Variants in SNTG1 observed in about 807,000 individuals in gnomAD.
The protein encoded by SNTG1 is gamma-1-syntrophin.
SNTG1 carries 39 observed loss-of-function variants against 74.7 expected under a neutral mutation model. The ratio of observed to expected loss-of-function variants is 0.52; its 90% CI spans 0.40 to 0.68. The LOEUF (loss-of-function observed/expected upper bound fraction) is 0.68, where lower values mean the gene tolerates loss of function less well. Ranked by LOEUF, SNTG1 falls within the 30% of genes least tolerant of loss-of-function variation. SNTG1 has a pLI of 0.00. For missense variants in SNTG1, 685 were observed against 609.5 expected, an observed-to-expected ratio of 1.12 and a Z score of -1.30; for synonymous variants, 254 against 217.1, an observed-to-expected ratio of 1.17 and a Z score of -1.49.
chr8:50,233,225 A>G (rs982202995), intron 2 of SNTG1, among the ~76,000 whole-genome samples: 3 of 151,614 alleles, frequency 2.0e-5, no homozygotes, highest in Non-Finnish European at 4.4e-5. Flanking sequence ...AGATCAATGG[A>G]CCGGAAGAGA....
At chr8:50,656,694 A>G (rs1202030655) in intron 13 of SNTG1, among the ~76,000 whole-genome samples, 1 of 152,182 alleles carries the variant, frequency 6.6e-6, no homozygotes, top group African/African-American at 2.4e-5. Context: ...AGAAACGTAT[A>G]AGAAATTCTT....
intron 9 of SNTG1, among the ~76,000 whole-genome samples, chr8:50,520,620 C>T (rs1471527901): frequency 1.3e-5 from 2 of 152,124 alleles, no homozygotes; most frequent in African/African-American, 4.8e-5. Flanking sequence ...AGGATATGAA[C>T]AGACACTTCT....
At chr8:49,918,388 C>A (rs1806232506) in intron 1 of SNTG1, among the ~76,000 whole-genome samples, 1 of 152,100 alleles carries the variant, frequency 6.6e-6, no homozygotes, top group Non-Finnish European at 1.5e-5. Context: ...GCTACAATAA[C>A]CCAGATAATA....
intron 4 of SNTG1, among the ~76,000 whole-genome samples, chr8:50,408,420 A>T (rs895228074): frequency 6.6e-6 from 1 of 152,160 alleles, no homozygotes; most frequent in Non-Finnish European, 1.5e-5. Flanking sequence ...GATTTCTCTC[A>T]TTGTTATAAT....
chr8:50,566,281 C>A (rs2094516352), intron 12 of SNTG1, among the ~76,000 whole-genome samples: 1 of 151,954 alleles, frequency 6.6e-6, no homozygotes, highest in Admixed American at 6.6e-5. Context: ...TAGGGCAAAT[C>A]TGCATATAGT....
chr8:50,644,013 T>C (rs2095091012), intron 13 of SNTG1: 1 of 152,228 alleles, frequency 6.6e-6, no homozygotes, highest in Non-Finnish European at 1.5e-5. Context: ...AATGAGTCCA[T>C]CACAGCTCAA....
intron 9 of SNTG1, among the ~76,000 whole-genome samples, chr8:50,508,061 C>T (rs575833099): frequency 2.0e-4 from 28 of 140,718 alleles, no homozygotes; most frequent in Non-Finnish European, 3.8e-4. Context: ...AATGCTATCC[C>T]TCCCCACTCC....
intron 17 of SNTG1, among the ~76,000 whole-genome samples, chr8:50,730,528 G>C (rs574538434): frequency 6.6e-6 from 1 of 152,122 alleles, no homozygotes; most frequent in Non-Finnish European, 1.5e-5. Context: ...AAAGATTATA[G>C]GAGCAAATGG....
At chr8:49,992,217 A>G (rs867748973) in intron 1 of SNTG1, among the ~76,000 whole-genome samples, 2 of 152,212 alleles carry the variant, frequency 1.3e-5, no homozygotes, top group Non-Finnish European at 2.9e-5. Context: ...ATAAGAATGT[A>G]AGAAGATAAA....
At chr8:50,083,942 A>G (rs190798960) in intron 1 of SNTG1, among the ~76,000 whole-genome samples, 2 of 152,332 alleles carry the variant, frequency 1.3e-5, no homozygotes, top group East Asian at 3.9e-4. Flanking sequence ...TTTCTAGGAA[A>G]ACCAGAAAAG....
intron 12 of SNTG1, among the ~76,000 whole-genome samples, chr8:50,578,810 T>C (rs912329852): frequency 3.3e-5 from 5 of 152,202 alleles, no homozygotes; most frequent in Admixed American, 2.0e-4. Flanking sequence ...TGCTGAACTG[T>C]GAGTCAATTA....
chr8:50,686,920 G>C (rs913829266), intron 15 of SNTG1, among the ~76,000 whole-genome samples: 1 of 151,538 alleles, frequency 6.6e-6, no homozygotes, highest in Non-Finnish European at 1.5e-5. Context: ...TGGATCATGA[G>C]GTCAGGAGAT....
At chr8:50,333,886 C>T (rs568252294) in intron 2 of SNTG1, among the ~76,000 whole-genome samples, 1 of 152,302 alleles carries the variant, frequency 6.6e-6, no homozygotes, top group South Asian at 2.1e-4. Flanking sequence ...AAATTGAGCT[C>T]TCATTATCTC....
intron 4 of SNTG1, 119 bp downstream of exon 4, chr8:50,402,463 G>T: frequency 8.1e-7 from 1 of 1,241,686 alleles, no homozygotes; most frequent in Non-Finnish European, 1.1e-6. Flanking sequence ...GGTTCTGCAT[G>T]GAATTTTTGC....
At chr8:50,130,854 G>A (rs1013477357) in intron 1 of SNTG1, among the ~76,000 whole-genome samples, 1 of 151,974 alleles carries the variant, frequency 6.6e-6, no homozygotes, top group African/African-American at 2.4e-5. Context: ...CCACATTATT[G>A]GACAACAGTA....
intron 15 of SNTG1, among the ~76,000 whole-genome samples, chr8:50,674,229 G>A (rs1464711884): frequency 6.6e-6 from 1 of 151,998 alleles, no homozygotes; most frequent in Non-Finnish European, 1.5e-5. Flanking sequence ...TGGATTGTTT[G>A]GAATAGTTTC....
intron 10 of SNTG1, among the ~76,000 whole-genome samples, chr8:50,530,464 C>A (rs780620001): frequency 6.6e-5 from 10 of 152,096 alleles, no homozygotes; most frequent in Non-Finnish European, 1.3e-4. Context: ...GGATTAAGTT[C>A]TTTTGAAGCA....
chr8:50,657,078 G>A (rs759835505), intron 14 of SNTG1, 53 bp downstream of exon 14: 21 of 1,042,990 alleles, frequency 2.0e-5, no homozygotes, highest in Middle Eastern at 2.5e-4. Flanking sequence ...ACAAGAGATT[G>A]ACACCAACTT....
At chr8:50,652,923 T>C (rs146170706) in intron 13 of SNTG1, among the ~76,000 whole-genome samples, 263 of 152,126 alleles carry the variant, frequency 1.7e-3, no homozygotes, top group Non-Finnish European at 2.1e-3. Context: ...AAAAGTCCTT[T>C]TTATTTCTAG....
Sources: gnomAD v4.1 joint callset for allele counts (sites outside exome capture counted in the v4.1 genomes callset) on GRCh38, gnomAD v4.1.1 for gene constraint, MANE v1.5 for transcripts, NCBI Gene and HGNC (gene_info 2026-07-23, HGNC 2026-07-21) for gene names.